LUC7L2: variants seen among roughly 807,000 people sequenced by gnomAD.
LUC7L2 encodes the protein LUC7 like 2, pre-mRNA splicing factor.
LUC7L2 carries 25 observed loss-of-function variants against 52.8 expected under a neutral mutation model. The ratio of observed to expected loss-of-function variants is 0.47; its 90% CI spans 0.34 to 0.66. The LOEUF is 0.66. Among genes scored for constraint, LUC7L2 ranks in the 30% least tolerant of loss-of-function variants. The pLI is 0.01. For synonymous variants in LUC7L2, 144 were observed against 160.9 expected (o/e 0.89, Z 0.80); for missense variants, 328 against 497.8 (o/e 0.66, Z 3.25).
intron 2 of LUC7L2, among the ~76,000 whole-genome samples, chr7:139,380,501 GA>G (rs1569375935): frequency 6.6e-6 from 1 of 152,144 alleles, no homozygotes; most frequent in Non-Finnish European, 1.5e-5. Flanking sequence ...TCGGGAGGCT[GA>G]GGCAGGAGAA....
At chr7:139,413,074 A>G (rs1202611091) in intron 8 of LUC7L2, among the ~76,000 whole-genome samples, 2 of 152,152 alleles carry the variant, frequency 1.3e-5, no homozygotes, top group Middle Eastern at 3.2e-3. Context: ...ATGTGAGTTT[A>G]TTACCCATTC....
At chr7:139,353,126 G>A (rs1799504241) in intron 1 of LUC7L2, among the ~76,000 whole-genome samples, 1 of 152,244 alleles carries the variant, frequency 6.6e-6, no homozygotes. Flanking sequence ...AAACCTGGGA[G>A]GCAGAGGTTG....
intron 2 of LUC7L2, among the ~76,000 whole-genome samples, chr7:139,390,105 A>G (rs1794369332): frequency 6.6e-6 from 1 of 152,162 alleles, no homozygotes; most frequent in Admixed American, 6.5e-5. Flanking sequence ...GTGAGCTATG[A>G]TTGTGCCACT....
intron 2 of LUC7L2, among the ~76,000 whole-genome samples, chr7:139,388,842 AT>A (rs1455871832): frequency 4.0e-5 from 6 of 151,818 alleles, no homozygotes; most frequent in African/African-American, 1.5e-4. Flanking sequence ...TCCACACTTA[AT>A]TTCCATTTAG....
intron 2 of LUC7L2, among the ~76,000 whole-genome samples, chr7:139,389,183 C>A (rs1794324800): frequency 6.6e-6 from 1 of 151,278 alleles, no homozygotes; most frequent in Admixed American, 6.6e-5. Flanking sequence ...TTGTCTCTTT[C>A]TTCTGGTCAA....
At chr7:139,366,374 T>A (rs6944104) in intron 1 of LUC7L2, among the ~76,000 whole-genome samples, 58,595 of 152,164 alleles carry the variant, frequency 0.39, 15,778 homozygotes, top group African/African-American at 0.77. Flanking sequence ...TTTTCTCTTT[T>A]AGAGTTAACT....
intron 1 of LUC7L2, chr7:139,341,257 C>A (rs1798938894): frequency 2.1e-6 from 3 of 1,441,516 alleles, no homozygotes; most frequent in Admixed American, 2.3e-5. Context: ...TGAGCGGTTC[C>A]ACTGCTCGTC....
intron 8 of LUC7L2, chr7:139,417,278 C>T (rs978414166): frequency 8.6e-6 from 3 of 348,286 alleles, no homozygotes; most frequent in South Asian, 4.1e-5. Flanking sequence ...TGAGCTCAAG[C>T]GATCCTCCTG....
chr7:139,360,457 C>T (rs1478881957), intron 1 of LUC7L2, 135 bp downstream of exon 1: 16 of 740,994 alleles, frequency 2.2e-5, no homozygotes, highest in African/African-American at 3.6e-5. Flanking sequence ...GGTCCCCGTC[C>T]CCCGTCCCAT....
Position 139,407,256 on chromosome 7 carries a change from G to C in LUC7L2, c.593G>C (p.Gly198Ala). The C allele has an allele frequency of 6.2e-7, 1 of 1,612,648 alleles. No individual in the cohort carries two copies. Among genetic ancestry groups the C allele is most frequent in the Non-Finnish European group, 8.5e-7 (1 of 1,179,116 alleles). ...RVCEVCSAYL[G>A]LHDNDRRLAD... ...TGTGAAGTCTGCTCTGCCTATTTAGGACTTCATGATAATGACAGACGACTG... is the reference window on the plus strand; with the variant it reads ...TGTGAAGTCTGCTCTGCCTATTTAGCACTTCATGATAATGACAGACGACTG... The change falls in exon 6 of 10, where the codon GGA (glycine) becomes GCA (alanine). Residue 198 changes from glycine to alanine, a missense_variant. Around this residue, in one of 2 missense-constraint regions of LUC7L2, gnomAD observed 133 missense variants for 274.4 expected, o/e 0.48. Coordinates refer to ENST00000354926, the MANE Select transcript of LUC7L2 (RefSeq NM_016019.5).
intron 1 of LUC7L2, chr7:139,345,694 G>A (rs912019182): frequency 6.2e-7 from 1 of 1,614,000 alleles, no homozygotes; most frequent in Non-Finnish European, 8.5e-7. Context: ...GGGAAGGGCT[G>A]GGAGCCATGA....
chr7:139,378,854 A>AG (rs1356798012), intron 2 of LUC7L2, among the ~76,000 whole-genome samples: 1 of 152,162 alleles, frequency 6.6e-6, no homozygotes, highest in African/African-American at 2.4e-5. Context: ...TGGTCCTCAA[A>AG]ACTCTGCTTA....
chr7:139,385,450 T>C (rs1794151808), intron 2 of LUC7L2, among the ~76,000 whole-genome samples: 1 of 151,556 alleles, frequency 6.6e-6, no homozygotes, highest in African/African-American at 2.4e-5. Flanking sequence ...GCCTCCCAAG[T>C]AGCAAGGACT....
At chr7:139,340,594 C>A (rs1798885714) in intron 1 of LUC7L2, 1 of 397,346 alleles carries the variant, frequency 2.5e-6, no homozygotes, top group Admixed American at 4.4e-5. Flanking sequence ...CTCACGTGGG[C>A]GCTAGGTGTG....
chr7:139,377,127 G>C (rs1230580499), intron 2 of LUC7L2, among the ~76,000 whole-genome samples: 2 of 152,182 alleles, frequency 1.3e-5, no homozygotes, highest in Non-Finnish European at 2.9e-5. Flanking sequence ...TACAAAGCAA[G>C]AAATCCAGTT....
At chr7:139,358,922 C>G (rs1159766367), upstream of LUC7L2, 1 of 152,322 alleles carries the variant, frequency 6.6e-6, no homozygotes. Context: ...CTCAGGCAAT[C>G]CACCTCCCTT....
chr7:139,363,976 C>CTTTTTTTTT lies in LUC7L2; in HGVS notation c.61+3673_61+3681dup, dbSNP rs1169793101. ...TGAGGGTGTGGATTTAGATTACATCCTTTTTTTTTTTTTTTTTTTTTTTTT... is the reference window on the plus strand; with the variant it reads ...TGAGGGTGTGGATTTAGATTACATCCTTTTTTTTTTTTTTTTTTTTTTTTTTTTTTTTTT... On this transcript the variant is annotated intron_variant, in intron 1 of 9. Coordinates refer to ENST00000354926, the MANE Select transcript of LUC7L2 (RefSeq NM_016019.5). 1.2e-3 allele frequency among the ~76,000 whole-genome samples: 118 copies of CTTTTTTTTT among 96,096 alleles called. 15 individuals carry two copies. Among genetic ancestry groups the CTTTTTTTTT allele is most frequent in the African/African-American group, 6.5e-3 (112 of 17,262 alleles). The allele number at this position is 96,096 out of a possible 152,430, so 63.0% of individuals were successfully genotyped here.
chr7:139,399,106 C>T (rs1794785546), intron 3 of LUC7L2, among the ~76,000 whole-genome samples: 1 of 151,892 alleles, frequency 6.6e-6, no homozygotes, highest in Admixed American at 6.6e-5. Context: ...GTTGGCCCCC[C>T]ATATCTGTCG....
At chr7:139,379,001 T>G (rs1800852328) in intron 2 of LUC7L2, among the ~76,000 whole-genome samples, 2 of 152,106 alleles carry the variant, frequency 1.3e-5, no homozygotes, top group South Asian at 4.1e-4. Context: ...ACCTAAAGAT[T>G]GTATGACTAA....
Sources: allele counts gnomAD v4.1 joint callset (sites outside exome capture counted in the v4.1 genomes callset), GRCh38; gene constraint gnomAD v4.1.1; regional missense constraint gnomAD v4.1.1; transcripts MANE v1.5; gene names NCBI Gene and HGNC (gene_info 2026-07-23, HGNC 2026-07-21).